PDLIM5: variants seen among roughly 807,000 people sequenced by gnomAD.
The protein encoded by PDLIM5 is PDZ and LIM domain 5, also known as PDZ and LIM domain protein 5.
Under a neutral mutation model 64.2 loss-of-function variants are expected in PDLIM5, and 34 were observed. That is an observed-to-expected ratio of 0.53 (90% CI 0.40 to 0.71). The LOEUF (loss-of-function observed/expected upper bound fraction) is 0.71, where lower values mean the gene tolerates loss of function less well. Among genes scored for constraint, PDLIM5 ranks in the 30% least tolerant of loss-of-function variants. The probability of loss-of-function intolerance (pLI) is 0.00; values close to 1 mark genes in which losing one functional copy is unlikely to be tolerated. For synonymous variants in PDLIM5, 253 were observed against 269.1 expected (o/e 0.94, Z 0.59); for missense variants, 683 against 733.6 (o/e 0.93, Z 0.80).
intron 5 of PDLIM5, chr4:94,584,630 A>G: frequency 4.7e-6 from 1 of 210,580 alleles, no homozygotes; most frequent in Non-Finnish European, 9.4e-6. Context: ...GTACATATGA[A>G]TGAGAAAACT....
intron 2 of PDLIM5, among the ~76,000 whole-genome samples, chr4:94,497,051 T>G (rs1727465737): frequency 6.6e-6 from 1 of 152,232 alleles, no homozygotes; most frequent in South Asian, 2.1e-4. Context: ...AGTTTGACAC[T>G]TTTAAGCTTA....
Position 94,664,122 on chromosome 4 carries a change from A to G in PDLIM5, c.*55A>G. Reference sequence around the variant, plus strand: ...TTTGAAGAGAAAAAGGAAAATTAAAATTACTAATTAATTTTTAGATTCAAT... The same window carrying G: ...TTTGAAGAGAAAAAGGAAAATTAAAGTTACTAATTAATTTTTAGATTCAAT... On this transcript the variant is annotated 3_prime_UTR_variant, in exon 13 of 13. Transcript: ENST00000317968. 7.2e-7 allele frequency: 1 copy of G among 1,396,222 alleles called. No homozygotes were observed. The highest frequency in any genetic ancestry group is 1.5e-5 in the African/African-American group (1 of 67,850). 86.5% of individuals were successfully genotyped at this position (1,396,222 alleles called of 1,614,324 possible). A position where few individuals can be genotyped will look rare whatever the true frequency, so the allele number is the denominator to read the frequency against.
At chr4:94,521,266 A>C (rs1729802435) in intron 2 of PDLIM5, among the ~76,000 whole-genome samples, 3 of 152,178 alleles carry the variant, frequency 2.0e-5, no homozygotes, top group Admixed American at 6.6e-5. Context: ...CGGGAATGTT[A>C]AGATGGAAGA....
Position 94,455,249 on chromosome 4 carries a change from T to A in PDLIM5, c.-40T>A. On this transcript the variant is annotated splice_region_variant and 5_prime_UTR_variant, in exon 2 of 13. Coordinates refer to ENST00000317968, the MANE Select transcript of PDLIM5 (RefSeq NM_006457.5). ...AATCATCTGATTTTCTTTCACAGCATATTTCATTTTCTGTCATTGGACTTT... is the reference window on the plus strand; with the variant it reads ...AATCATCTGATTTTCTTTCACAGCAAATTTCATTTTCTGTCATTGGACTTT... 1 of 1,136,400 alleles carries A rather than the reference T, an allele frequency of 8.8e-7. No individual in the cohort carries two copies. The highest frequency in any genetic ancestry group is 1.3e-6 in the Non-Finnish European group (1 of 750,072). 70.4% of individuals were successfully genotyped at this position (1,136,400 alleles called of 1,614,324 possible).
chr4:94,585,954 G>A (rs1736159737), intron 6 of PDLIM5, among the ~76,000 whole-genome samples: 1 of 152,132 alleles, frequency 6.6e-6, no homozygotes. Context: ...GGCAGATCAT[G>A]AGGTCATGAG....
At chr4:94,556,561 G>A (rs1318483057) in intron 3 of PDLIM5, among the ~76,000 whole-genome samples, 1 of 152,144 alleles carries the variant, frequency 6.6e-6, no homozygotes, top group Non-Finnish European at 1.5e-5. Flanking sequence ...ATCCTCTCTA[G>A]CACCTGTTGT....
intron 2 of PDLIM5, chr4:94,456,641 C>A: frequency 2.2e-6 from 2 of 899,678 alleles, no homozygotes; most frequent in Non-Finnish European, 3.3e-6. Flanking sequence ...CAATCCCCTA[C>A]TGAAGAGTAT....
intron 2 of PDLIM5, among the ~76,000 whole-genome samples, chr4:94,499,098 G>A (rs1727666492): frequency 6.6e-6 from 1 of 152,060 alleles, no homozygotes; most frequent in African/African-American, 2.4e-5. Context: ...AGATAAGATT[G>A]GTTAGACCAA....
At position 94,662,470 on chromosome 4, in the gene PDLIM5, T is replaced by C; in HGVS notation, c.1634T>C (p.Ile545Thr). Reference sequence around the variant, plus strand: ...ATATGCCATGGATGTGAATTTCCCATAGAAGCTGGTGACATGTTCCTGGAA... The same window carrying C: ...ATATGCCATGGATGTGAATTTCCCACAGAAGCTGGTGACATGTTCCTGGAA... ...GTICHGCEFP[I>T]EAGDMFLEAL... Residue 545 changes from isoleucine to threonine, a missense_variant, in exon 12 of 13, where the codon ATA becomes ACA. Ile to Thr is a moderately conservative substitution (Grantham distance 89). Coordinates refer to ENST00000317968, the MANE Select transcript of PDLIM5 (RefSeq NM_006457.5). 1.2e-6 allele frequency: 2 copies of C among 1,607,258 alleles called. No homozygotes were observed.
intron 2 of PDLIM5, among the ~76,000 whole-genome samples, chr4:94,486,673 T>A (rs1216786072): frequency 1.3e-5 from 2 of 152,156 alleles, no homozygotes; most frequent in Non-Finnish European, 2.9e-5. Context: ...GTGAACACGA[T>A]GCTTGGAATT....
intron 3 of PDLIM5, among the ~76,000 whole-genome samples, chr4:94,556,254 C>T (rs1365576248): frequency 6.6e-6 from 1 of 152,102 alleles, no homozygotes; most frequent in Non-Finnish European, 1.5e-5. Flanking sequence ...TTTATGACTG[C>T]ATAGTGTTCC....
At chr4:94,606,625 G>C (rs1737946796) in intron 7 of PDLIM5, among the ~76,000 whole-genome samples, 1 of 152,178 alleles carries the variant, frequency 6.6e-6, no homozygotes, top group South Asian at 2.1e-4. Context: ...AGGGCTGGAA[G>C]GTCTAAGCAA....
At chr4:94,529,602 C>G (rs753858439) in intron 3 of PDLIM5, among the ~76,000 whole-genome samples, 5 of 151,992 alleles carry the variant, frequency 3.3e-5, no homozygotes, top group Non-Finnish European at 5.9e-5. Context: ...TTATTTATGT[C>G]TACTTTAATT....
At chr4:94,581,261 T>C (rs1735709339) in intron 5 of PDLIM5, among the ~76,000 whole-genome samples, 1 of 152,200 alleles carries the variant, frequency 6.6e-6, no homozygotes, top group Non-Finnish European at 1.5e-5. Context: ...AAATATTTAT[T>C]TGACATACTC....
intron 3 of PDLIM5, among the ~76,000 whole-genome samples, chr4:94,534,398 T>A (rs1250645884): frequency 2.6e-5 from 4 of 152,212 alleles, no homozygotes; most frequent in Non-Finnish European, 5.9e-5. Flanking sequence ...TTTCATAATG[T>A]TCATTAAATT....
rs1329339156 is a variant in PDLIM5 at position 94,575,671 on chromosome 4, A to G, written c.347A>G (p.Lys116Arg). The change falls in exon 5 of 13, where the codon AAA (lysine) becomes AGA (arginine). Residue 116 changes from lysine to arginine, a missense_variant. Coordinates refer to ENST00000317968, the MANE Select transcript of PDLIM5 (RefSeq NM_006457.5). ...CCCATTACATCTCCTGCTGTGTCCA[A>G]AGTCACTTCCACAAACAACATGGCC... is the stretch of plus-strand genomic sequence containing the variant. ...PVPITSPAVS[K>R]VTSTNNMAYN... 2 of 1,612,096 alleles carry G rather than the reference A, an allele frequency of 1.2e-6. No individual in the cohort carries two copies. Among genetic ancestry groups the G allele is most frequent in the Non-Finnish European group, 1.7e-6 (2 of 1,178,756 alleles).
chr4:94,494,196 G>A (rs775824723), intron 2 of PDLIM5, among the ~76,000 whole-genome samples: 3 of 151,830 alleles, frequency 2.0e-5, no homozygotes, highest in Non-Finnish European at 4.4e-5. Context: ...TCCAACTCCC[G>A]GCCTCAAGCA....
chr4:94,572,385 T>C (rs564078355), intron 3 of PDLIM5, among the ~76,000 whole-genome samples: 2 of 152,254 alleles, frequency 1.3e-5, no homozygotes, highest in South Asian at 2.1e-4. Context: ...TATTGTTATA[T>C]TTAACAGTGG....
At chr4:94,526,788 G>A (rs1332503397) in intron 3 of PDLIM5, among the ~76,000 whole-genome samples, 1 of 149,972 alleles carries the variant, frequency 6.7e-6, no homozygotes, top group Non-Finnish European at 1.5e-5. Flanking sequence ...CTGGAGTGCA[G>A]TTGGCACCAT....
Sources: gnomAD v4.1 joint callset for allele counts (sites outside exome capture counted in the v4.1 genomes callset) on GRCh38, gnomAD v4.1.1 for gene constraint, MANE v1.5 for transcripts, NCBI Gene and HGNC (gene_info 2026-07-23, HGNC 2026-07-21) for gene names.